Variants in CDKN2B-AS1 observed in about 807,000 individuals in gnomAD.
The protein encoded by CDKN2B-AS1 is CDKN2B antisense RNA 1 (non-protein coding).
Position 22,005,792 on chromosome 9 carries a change from G to A in CDKN2B-AS1, n.29+10631G>A, listed in dbSNP as rs575482260. On this transcript the variant is annotated intron_variant and non_coding_transcript_variant, in intron 1 of 4. Coordinates refer to ENST00000650946, the Ensembl canonical transcript of CDKN2B-AS1. This position sits in a 1 kb window ranked among gnomAD's most constrained non-coding sequence, Gnocchi z 4.9. ...TTTCGCTTCATGGTGAGTGTCGAGG[G>A]CCAGATAAGACAAAGAAAAAAATGT... 3 of 681,874 alleles carry A rather than the reference G, an allele frequency of 4.4e-6. No individual in the cohort carries two copies. In the East Asian group the frequency reaches 8.2e-5, roughly 19 times the overall value. The allele number at this position is 681,874 out of a possible 1,614,324, so 42.2% of individuals were successfully genotyped here. A position where few individuals can be genotyped will look rare whatever the true frequency, so the allele number is the denominator to read the frequency against.
chr9:22,045,183 T>C (rs1231560896), intron 1 of CDKN2B-AS1, among the ~76,000 whole-genome samples: 1 of 151,796 alleles, frequency 6.6e-6, no homozygotes, highest in Non-Finnish European at 1.5e-5. Context: ...AATATGAGTA[T>C]CATGATAAGG....
chr9:22,105,823 G>C (rs186687418), intron 4 of CDKN2B-AS1, among the ~76,000 whole-genome samples: 212 of 152,314 alleles, frequency 1.4e-3, no homozygotes, highest in Non-Finnish European at 2.9e-3. Flanking sequence ...ATAAAAAACA[G>C]ATTAGGAGCA....
intron 4 of CDKN2B-AS1, among the ~76,000 whole-genome samples, chr9:22,094,334 C>G (rs1335757658): frequency 2.8e-5 from 4 of 143,592 alleles, no homozygotes; most frequent in Non-Finnish European, 5.9e-5. Context: ...TTGTGGCATT[C>G]TCTGTATTTC....
intron 1 of CDKN2B-AS1, among the ~76,000 whole-genome samples, chr9:22,016,012 T>C (rs1211893887): frequency 6.6e-6 from 1 of 152,190 alleles, no homozygotes; most frequent in Non-Finnish European, 1.5e-5. Context: ...GTCAGATGAG[T>C]AGGTCGCGAA....
At chr9:22,015,437 G>A (rs184308218) in intron 1 of CDKN2B-AS1, among the ~76,000 whole-genome samples, 2,190 of 152,048 alleles carry the variant, frequency 0.014, 59 homozygotes, top group African/African-American at 0.05. Context: ...CTCCCTTTTC[G>A]AAATTGTTTG....
At chr9:22,042,911 A>C (rs1005800355) in intron 1 of CDKN2B-AS1, among the ~76,000 whole-genome samples, 1 of 152,090 alleles carries the variant, frequency 6.6e-6, no homozygotes, top group Non-Finnish European at 1.5e-5. Context: ...ATGTGTTTTC[A>C]TGACTATGAA....
intron 1 of CDKN2B-AS1, among the ~76,000 whole-genome samples, chr9:22,002,724 G>T (rs1359269440): frequency 6.6e-6 from 1 of 151,930 alleles, no homozygotes; most frequent in Non-Finnish European, 1.5e-5. Context: ...GGCGTTTGGG[G>T]TTTTATCAGT....
intron 4 of CDKN2B-AS1, among the ~76,000 whole-genome samples, chr9:22,110,896 A>C (rs771315552): frequency 6.6e-6 from 1 of 152,042 alleles, no homozygotes; most frequent in African/African-American, 2.4e-5. Flanking sequence ...GCTTAGTTAC[A>C]CTTGTTTTTA....
intron 4 of CDKN2B-AS1, among the ~76,000 whole-genome samples, chr9:22,111,715 T>G (rs146303880): frequency 1.3e-5 from 2 of 152,148 alleles, no homozygotes. Context: ...TAAATGCATT[T>G]AATTTCAGTG....
chr9:22,051,878 T>TAA lies in CDKN2B-AS1; in HGVS notation n.302+2650_302+2651insAA, dbSNP rs1342733585. 8.2e-3 allele frequency among the ~76,000 whole-genome samples: 1,252 copies of TAA among 152,292 alleles called. 80 individuals carry two copies. In the East Asian group the frequency reaches 0.17, roughly 21 times the overall value. On this transcript the variant is annotated intron_variant and non_coding_transcript_variant, in intron 3 of 4. Transcript: ENST00000650946. Reference sequence around the variant, plus strand: ...TGGATAGATAAATTAGACGTATACATTTAAAGGAGTTTGCATCAGCTGCTG... The same window carrying TAA: ...TGGATAGATAAATTAGACGTATACATAATTAAAGGAGTTTGCATCAGCTGCTG...
chr9:22,000,668 T>C lies in CDKN2B-AS1; in HGVS notation n.29+5507T>C, dbSNP rs1427880779. 6.6e-6 allele frequency among the ~76,000 whole-genome samples: 1 copy of C among 152,222 alleles called. No homozygotes were observed. Among genetic ancestry groups the C allele is most frequent in the East Asian group, 1.9e-4 (1 of 5,208 alleles). On this transcript the variant is annotated intron_variant and non_coding_transcript_variant, in intron 1 of 4. Transcript: ENST00000650946. This position sits in a 1 kb window ranked among gnomAD's most constrained non-coding sequence, Gnocchi z 4.1. Reference sequence around the variant, plus strand: ...AAACTCTGTGTTGACAATAATCTGCTGACTTGTCTGTGGGTTTTTGAACAG... The same window carrying C: ...AAACTCTGTGTTGACAATAATCTGCCGACTTGTCTGTGGGTTTTTGAACAG...
chr9:22,065,837 C>T (rs1323084709), intron 4 of CDKN2B-AS1: 1 of 152,150 alleles, frequency 6.6e-6, no homozygotes, highest in Non-Finnish European at 1.5e-5. Context: ...GCTATATGTT[C>T]TTTTTACTCA....
At chr9:22,049,179 A>G (rs1331236585) in exon 3 of CDKN2B-AS1, 1 of 152,098 alleles carries the variant, frequency 6.6e-6, no homozygotes, top group Non-Finnish European at 1.5e-5. Context: ...AAAACCGGGG[A>G]GATCTATTTG....
intron 1 of CDKN2B-AS1, among the ~76,000 whole-genome samples, chr9:22,044,736 C>G (rs997210621): frequency 1.1e-4 from 17 of 150,262 alleles, no homozygotes; most frequent in African/African-American, 4.2e-4. Flanking sequence ...ATTTTTTTTT[C>G]TATTCCTCTT....
chr9:22,019,208 CT>C (rs1484757043), intron 1 of CDKN2B-AS1, among the ~76,000 whole-genome samples: 5 of 152,156 alleles, frequency 3.3e-5, no homozygotes, highest in African/African-American at 1.2e-4. Flanking sequence ...TTGTCTTTAT[CT>C]TAAGGATAAG....
intron 4 of CDKN2B-AS1, among the ~76,000 whole-genome samples, chr9:22,084,487 C>T (rs1261010958): frequency 2.0e-5 from 3 of 152,042 alleles, no homozygotes; most frequent in Non-Finnish European, 4.4e-5. Flanking sequence ...GAGTATTGGC[C>T]TGATCAAAGC....
chr9:22,066,596 T>TA (rs1260422867), intron 4 of CDKN2B-AS1, among the ~76,000 whole-genome samples: 3 of 152,058 alleles, frequency 2.0e-5, no homozygotes, highest in African/African-American at 7.2e-5. Context: ...AAAATTAAAA[T>TA]ACGAATGTCC....
At chr9:22,088,122 T>C (rs1824926618) in intron 4 of CDKN2B-AS1, among the ~76,000 whole-genome samples, 1 of 152,158 alleles carries the variant, frequency 6.6e-6, no homozygotes, top group Non-Finnish European at 1.5e-5. Context: ...GTGTGCTCTG[T>C]TTCCCCTTGG....
At chr9:22,036,339 A>G (rs1822687340) in intron 1 of CDKN2B-AS1, among the ~76,000 whole-genome samples, 3 of 152,146 alleles carry the variant, frequency 2.0e-5, no homozygotes, top group Non-Finnish European at 2.9e-5. Context: ...TTTACACACT[A>G]CATTTGAATA....
Sources: gnomAD v4.1 joint callset for allele counts (sites outside exome capture counted in the v4.1 genomes callset) on GRCh38, gnomAD v4.1.1 for gene constraint, Gnocchi (gnomAD v3.1) non-coding constraint, MANE v1.5 for transcripts, NCBI Gene and HGNC (gene_info 2026-07-23, HGNC 2026-07-21) for gene names.